RYR3: variants seen among roughly 807,000 people sequenced by gnomAD.
RYR3 encodes brain ryanodine receptor-calcium release channel.
In RYR3, 207 loss-of-function variants were observed where a neutral mutation model predicts 584.3. The ratio of observed to expected loss-of-function variants is 0.35; its 90% CI spans 0.32 to 0.40. RYR3 has a LOEUF of 0.40. Among genes scored for constraint, RYR3 ranks in the 10% least tolerant of loss-of-function variants. The pLI is 1.00. For missense variants in RYR3, 5,616 were observed against 6,089.2 expected, an observed-to-expected ratio of 0.92 and a Z score of 2.59; for synonymous variants, 2,416 against 2,248.5, an observed-to-expected ratio of 1.07 and a Z score of -2.11.
Position 33,728,972 on chromosome 15 carries a change from C to T in RYR3, c.7149C>T (p.His2383=), listed in dbSNP as rs777818777. Residue 2383 remains histidine (H), a synonymous_variant, in exon 47 of 104, where the codon CAC becomes CAT. Coordinates refer to ENST00000634891, the MANE Select transcript of RYR3 (RefSeq NM_001036.6). ...YGIKDQTFLL[H]LLEVGFLPDL... ...TTAAGGATCAAACTTTTCTGCTCCA[C>T]TTGCTGGAGGTTGGATTTTTACCTG... The T allele has an allele frequency of 1.9e-6, 3 of 1,613,990 alleles. No homozygotes were observed. The Admixed American group carries it at 5.0e-5, about 27-fold the overall frequency.
chr15:33,649,302 T>G, intron 31 of RYR3, 67 bp downstream of exon 31: 1 of 1,455,930 alleles, frequency 6.9e-7, no homozygotes, highest in Admixed American at 1.8e-5. Flanking sequence ...AGTCTTTTTC[T>G]TCCACCCCAC....
rs1967385901 is a variant in RYR3 at position 33,311,985 on chromosome 15, C to A, written c.51+889C>A. Among the ~76,000 whole-genome samples the A allele has an allele frequency of 6.6e-6, 1 of 152,230 alleles. No individual in the cohort carries two copies. The highest frequency in any genetic ancestry group is 2.4e-5 in the African/African-American group (1 of 41,456). On this transcript the variant is annotated intron_variant, in intron 1 of 103. Coordinates refer to ENST00000634891, the MANE Select transcript of RYR3 (RefSeq NM_001036.6). The surrounding 1 kb of genome is among the most constrained non-coding windows in gnomAD (Gnocchi z 4.4). ...GGATGCATCCTAGCGCTGACTTCAGCCAAGTGACCTTGAGCAAGTCGCATA... is the reference window on the plus strand; with the variant it reads ...GGATGCATCCTAGCGCTGACTTCAGACAAGTGACCTTGAGCAAGTCGCATA...
At chr15:33,772,234 C>A in intron 63 of RYR3, 76 bp downstream of exon 63, 1 of 864,592 alleles carries the variant, frequency 1.2e-6, no homozygotes, top group Non-Finnish European at 1.9e-6. Flanking sequence ...CATTCACTTA[C>A]ATTGACCTTG....
intron 67 of RYR3, among the ~76,000 whole-genome samples, chr15:33,790,009 T>TTTTTTTTTTG: frequency 8.1e-6 from 1 of 124,146 alleles, no homozygotes. Flanking sequence ...TTTTTTTTTT[T>TTTTTTTTTTG]GAGACAGAGT....
intron 54 of RYR3, 35 bp downstream of exon 54, chr15:33,748,295 G>C: frequency 6.2e-7 from 1 of 1,607,058 alleles, no homozygotes; most frequent in Non-Finnish European, 8.5e-7. Context: ...ACGCTGGGCC[G>C]ATGGAAGCCA....
chr15:33,679,888 TAAA>T, intron 38 of RYR3, among the ~76,000 whole-genome samples: 1 of 152,348 alleles, frequency 6.6e-6, no homozygotes, highest in East Asian at 1.9e-4. Flanking sequence ...TATGGTTTAT[TAAA>T]AGAGCATCAT....
chr15:33,552,105 G>T (rs2056724257), intron 10 of RYR3, among the ~76,000 whole-genome samples: 1 of 152,148 alleles, frequency 6.6e-6, no homozygotes, highest in African/African-American at 2.4e-5. Flanking sequence ...TGACCTCGAG[G>T]TCTTTACCAT....
chr15:33,657,355 G>A lies in RYR3; in HGVS notation c.4309-2365G>A, dbSNP rs116778993. On this transcript the variant is annotated intron_variant, in intron 32 of 103. Transcript: ENST00000634891. ...ATGGCTCCCTATACTGGTGTGATTC[G>A]ACTGAATGCATTTCTCTCTCCCTGT... 1.1e-4 allele frequency among the ~76,000 whole-genome samples: 17 copies of A among 152,268 alleles called. No homozygotes were observed. In the East Asian group the frequency reaches 1.5e-3, roughly 14 times the overall value.
At chr15:33,525,961 C>A (rs1457223907) in intron 3 of RYR3, among the ~76,000 whole-genome samples, 11 of 152,206 alleles carry the variant, frequency 7.2e-5, no homozygotes, top group Admixed American at 7.2e-4. Flanking sequence ...AAAATGACTT[C>A]ATCCCCTACA....
At chr15:33,542,711 G>T (rs1956688291) in intron 7 of RYR3, among the ~76,000 whole-genome samples, 1 of 152,050 alleles carries the variant, frequency 6.6e-6, no homozygotes, top group African/African-American at 2.4e-5. Context: ...CCCCTAAAGT[G>T]ATCTAATTAT....
At chr15:33,580,896 G>A (rs1194259166) in intron 13 of RYR3, among the ~76,000 whole-genome samples, 1 of 152,212 alleles carries the variant, frequency 6.6e-6, no homozygotes, top group East Asian at 1.9e-4. Context: ...AAAGGCTACT[G>A]AAATTCCATT....
chr15:33,582,690 T>C (rs1432283519), intron 14 of RYR3, among the ~76,000 whole-genome samples: 2 of 152,168 alleles, frequency 1.3e-5, no homozygotes, highest in Non-Finnish European at 2.9e-5. Context: ...TAGTAACTGA[T>C]GGAGCTATGG....
chr15:33,503,852 CA>C (rs2052225993), intron 3 of RYR3, 114 bp downstream of exon 3: 1 of 656,544 alleles, frequency 1.5e-6, no homozygotes, highest in Non-Finnish European at 2.8e-6. Context: ...TGAGATGATT[CA>C]TATGGAGATA....
chr15:33,623,591 G>A (rs548842526), intron 19 of RYR3, among the ~76,000 whole-genome samples: 4 of 152,228 alleles, frequency 2.6e-5, no homozygotes, highest in South Asian at 2.1e-4. Context: ...GAACTTAGCC[G>A]TGATGGGTCA....
In RYR3 at chr15:33,816,899, A is replaced by G. The variant is rs1245904360; in HGVS notation, c.10540A>G (p.Arg3514Gly). The change falls in exon 75 of 104, where the codon AGA becomes GGA. Residue 3514 changes from arginine to glycine, a missense_variant. Around this residue, in one of 9 missense-constraint regions of RYR3, gnomAD observed 954 missense variants for 1,132.2 expected, o/e 0.84. Transcript: ENST00000634891. ...TAACCTCTTCCTCCATGGCTATCAGAGATTTTGGATAGAAACAGAGGAGTA... is the reference window on the plus strand; with the variant it reads ...TAACCTCTTCCTCCATGGCTATCAGGGATTTTGGATAGAAACAGAGGAGTA... ...SINLFLHGYQRFWIETEEYSF... is the reference protein window; with the variant it reads ...SINLFLHGYQGFWIETEEYSF... The G allele has an allele frequency of 2.5e-6, 4 of 1,612,596 alleles. No homozygotes were observed. The highest frequency in any genetic ancestry group is 3.4e-6 in the Non-Finnish European group (4 of 1,179,266).
intron 1 of RYR3, among the ~76,000 whole-genome samples, chr15:33,430,408 T>C (rs2045036971): frequency 6.6e-6 from 1 of 152,216 alleles, no homozygotes; most frequent in African/African-American, 2.4e-5. Flanking sequence ...CACAGATCCA[T>C]AGACGAATTT....
In RYR3 at chr15:33,331,955, G is replaced by A. The variant is rs1379013209; in HGVS notation, c.51+20859G>A. 5.3e-5 allele frequency among the ~76,000 whole-genome samples: 8 copies of A among 151,980 alleles called. No individual in the cohort carries two copies. The East Asian group carries it at 1.2e-3, about 22-fold the overall frequency. On this transcript the variant is annotated intron_variant, in intron 1 of 103. Coordinates refer to ENST00000634891, the MANE Select transcript of RYR3 (RefSeq NM_001036.6). ...CTTAGATCCTTTTATCATTGTAGGA[G>A]GGTAAAGACAGTGATTTTAGACTTT... is the stretch of plus-strand genomic sequence containing the variant.
chr15:33,657,899 C>T (rs1240106401), intron 32 of RYR3, among the ~76,000 whole-genome samples: 2 of 152,216 alleles, frequency 1.3e-5, no homozygotes, highest in Non-Finnish European at 2.9e-5. Flanking sequence ...AGCACTAAAT[C>T]ATGCAATCTT....
intron 38 of RYR3, among the ~76,000 whole-genome samples, chr15:33,673,414 C>G (rs2152727807): frequency 6.6e-6 from 1 of 152,246 alleles, no homozygotes; most frequent in Middle Eastern, 3.4e-3. Context: ...AGGGATTTGC[C>G]TAAATTAACT....
Sources: allele counts gnomAD v4.1 joint callset (sites outside exome capture counted in the v4.1 genomes callset), GRCh38; gene constraint gnomAD v4.1.1; regional missense constraint gnomAD v4.1.1; non-coding constraint Gnocchi (gnomAD v3.1); transcripts MANE v1.5; gene names NCBI Gene and HGNC (gene_info 2026-07-23, HGNC 2026-07-21).